The following BMP6 variants were observed in gnomAD, a reference collection of about 807,000 sequenced individuals.
BMP6 encodes the protein bone morphogenetic protein 6, also known as VG-1-R.
Under a neutral mutation model 54.1 loss-of-function variants are expected in BMP6, and 17 were observed. The ratio of observed to expected loss-of-function variants is 0.31; its 90% CI spans 0.22 to 0.47. The LOEUF is 0.47. Among genes scored for constraint, BMP6 ranks in the 20% least tolerant of loss-of-function variants. BMP6 has a pLI of 1.00. For missense variants in BMP6, 720 were observed against 690.4 expected (o/e 1.04, Z -0.48); for synonymous variants, 328 against 291.2 (o/e 1.13, Z -1.28).
chr6:7,835,256 G>A (rs1370298776), intron 1 of BMP6, among the ~76,000 whole-genome samples: 1 of 152,182 alleles, frequency 6.6e-6, no homozygotes, highest in East Asian at 1.9e-4. Flanking sequence ...CCGAGTAGCT[G>A]GGACTACAGA....
intron 1 of BMP6, among the ~76,000 whole-genome samples, chr6:7,827,066 G>A (rs1024304557): frequency 3.9e-5 from 6 of 152,176 alleles, no homozygotes; most frequent in African/African-American, 1.2e-4. Flanking sequence ...CTTGCTGCCC[G>A]TATCTACAGC....
intron 1 of BMP6, among the ~76,000 whole-genome samples, chr6:7,809,376 G>A (rs1488230970): frequency 6.6e-6 from 1 of 152,186 alleles, no homozygotes; most frequent in East Asian, 1.9e-4. Flanking sequence ...TTAGGGATGT[G>A]CAAAATGTGC....
intron 4 of BMP6, among the ~76,000 whole-genome samples, chr6:7,877,779 G>A (rs1370953264): frequency 6.6e-6 from 1 of 152,206 alleles, no homozygotes; most frequent in Non-Finnish European, 1.5e-5. Flanking sequence ...GGGATAGCCT[G>A]CAAATGACCT....
At chr6:7,793,866 C>T (rs1293920953) in intron 1 of BMP6, among the ~76,000 whole-genome samples, 2 of 152,212 alleles carry the variant, frequency 1.3e-5, no homozygotes, top group African/African-American at 4.8e-5. Flanking sequence ...CCAGGCACTG[C>T]CTTCCCTCAA....
chr6:7,798,291 G>A (rs1375079665), intron 1 of BMP6, among the ~76,000 whole-genome samples: 2 of 152,236 alleles, frequency 1.3e-5, no homozygotes, highest in African/African-American at 2.4e-5. Context: ...AGAACCAGAT[G>A]TAAGACCAGA....
intron 1 of BMP6, among the ~76,000 whole-genome samples, chr6:7,773,813 A>G (rs1041925174): frequency 6.6e-6 from 1 of 152,168 alleles, no homozygotes; most frequent in East Asian, 1.9e-4. Context: ...ACTTTTGGTC[A>G]TCTTGTTTAG....
At chr6:7,869,076 C>G (rs562628111) in intron 4 of BMP6, among the ~76,000 whole-genome samples, 2 of 152,392 alleles carry the variant, frequency 1.3e-5, no homozygotes, top group East Asian at 3.9e-4. Context: ...GGCGCACCCC[C>G]CCTGGGAGCC....
At chr6:7,742,129 T>C (rs945685196) in intron 1 of BMP6, among the ~76,000 whole-genome samples, 2 of 152,252 alleles carry the variant, frequency 1.3e-5, no homozygotes, top group African/African-American at 4.8e-5. Context: ...TATTAAGTTC[T>C]GTATGTGGCA....
intron 1 of BMP6, among the ~76,000 whole-genome samples, chr6:7,777,095 C>T (rs1757871992): frequency 6.6e-6 from 1 of 152,226 alleles, no homozygotes; most frequent in African/African-American, 2.4e-5. Context: ...GCCCTTAGGG[C>T]TCCCATGGGG....
intron 1 of BMP6, among the ~76,000 whole-genome samples, chr6:7,757,130 G>T (rs1032603467): frequency 2.0e-5 from 3 of 152,190 alleles, no homozygotes; most frequent in Admixed American, 2.0e-4. Context: ...CTATTTGGTA[G>T]CCCTCTCCCT....
At position 7,788,424 on chromosome 6, in the gene BMP6, G is replaced by A. The variant is rs184188636; in HGVS notation, c.665-56716G>A. Among the ~76,000 whole-genome samples the A allele has an allele frequency of 1.4e-3, 215 of 152,286 alleles. 1 individual carries two copies. Among genetic ancestry groups the A allele is most frequent in the Middle Eastern group, 0.01 (3 of 294 alleles). ...ATGCTATTGTGTGCTGGTACACAAT[G>A]GGGAAAATGACTGGCTGCCTTCAAA... On this transcript the variant is annotated intron_variant, in intron 1 of 6. Coordinates refer to ENST00000283147, the MANE Select transcript of BMP6 (RefSeq NM_001718.6).
chr6:7,791,556 C>T (rs1229648437), intron 1 of BMP6, among the ~76,000 whole-genome samples: 2 of 152,146 alleles, frequency 1.3e-5, no homozygotes, highest in African/African-American at 2.4e-5. Flanking sequence ...TCAGTTGGTC[C>T]TTGAGCTGCT....
chr6:7,729,926 A>G (rs899919461), intron 1 of BMP6, among the ~76,000 whole-genome samples: 2 of 152,178 alleles, frequency 1.3e-5, no homozygotes, highest in African/African-American at 4.8e-5. Context: ...GCTGGACTCA[A>G]AACTCCTGGC....
At chr6:7,761,532 C>T (rs192974510) in intron 1 of BMP6, among the ~76,000 whole-genome samples, 17 of 152,304 alleles carry the variant, frequency 1.1e-4, no homozygotes, top group African/African-American at 4.1e-4. Context: ...TTACCAAGTG[C>T]AGCCCTGGAG....
intron 1 of BMP6, among the ~76,000 whole-genome samples, chr6:7,823,976 C>G (rs138688366): frequency 6.6e-6 from 1 of 152,274 alleles, no homozygotes; most frequent in Non-Finnish European, 1.5e-5. Flanking sequence ...TAAAAGGATC[C>G]TTCTGGCCAC....
chr6:7,877,912 G>A (rs550787738), intron 4 of BMP6, among the ~76,000 whole-genome samples: 3 of 152,120 alleles, frequency 2.0e-5, no homozygotes, highest in South Asian at 2.1e-4. Context: ...TAATCCTTTC[G>A]AATCACAGCG....
intron 4 of BMP6, among the ~76,000 whole-genome samples, chr6:7,868,261 T>C (rs1433814911): frequency 6.6e-6 from 1 of 152,210 alleles, no homozygotes. Context: ...TGCTTCTCAA[T>C]GTTGACCATC....
At chr6:7,868,034 A>G (rs1338695895) in intron 4 of BMP6, among the ~76,000 whole-genome samples, 2 of 152,242 alleles carry the variant, frequency 1.3e-5, no homozygotes. Flanking sequence ...CAGGAGACTC[A>G]GTCTAGGAAG....
chr6:7,866,109 C>T lies in BMP6; in HGVS notation c.1204+3611C>T, dbSNP rs368789609. Among the ~76,000 whole-genome samples, 9 of 152,332 alleles carry T rather than the reference C, an allele frequency of 5.9e-5. No individual in the cohort carries two copies. In the South Asian group the frequency reaches 8.3e-4, roughly 14 times the overall value. On this transcript the variant is annotated intron_variant, in intron 4 of 6. Coordinates refer to ENST00000283147, the MANE Select transcript of BMP6 (RefSeq NM_001718.6). ...TGCACTGGATAGTGGTTTGGATCGA[C>T]GTCTCCCTGGATGGCTTTCACTTGC...
Sources: allele counts gnomAD v4.1 joint callset (sites outside exome capture counted in the v4.1 genomes callset), GRCh38; gene constraint gnomAD v4.1.1; transcripts MANE v1.5; gene names NCBI Gene and HGNC (gene_info 2026-07-23, HGNC 2026-07-21).